Variants in TENM3 observed in about 807,000 individuals in gnomAD.
TENM3 encodes the protein teneurin transmembrane protein 3.
In TENM3, 63 loss-of-function variants were observed where a neutral mutation model predicts 255.1. The observed-to-expected ratio is 0.25, with a 90% confidence interval of 0.20 to 0.30. TENM3 has a LOEUF of 0.30. Ranked by LOEUF, TENM3 falls within the 10% of genes least tolerant of loss-of-function variation. TENM3 has a pLI of 1.00. For synonymous variants in TENM3, 1,306 were observed against 1,322.3 expected, an observed-to-expected ratio of 0.99 and a Z score of 0.27; for missense variants, 2,929 against 3,461.1, an observed-to-expected ratio of 0.85 and a Z score of 3.86.
At chr4:182,397,510 C>A (rs1768925973) in intron 3 of TENM3, among the ~76,000 whole-genome samples, 1 of 151,004 alleles carries the variant, frequency 6.6e-6, no homozygotes, top group African/African-American at 2.4e-5. Flanking sequence ...TGAGCACTCA[C>A]TGTATGCCAG....
At chr4:182,510,398 A>G (rs1322785823) in intron 3 of TENM3, among the ~76,000 whole-genome samples, 1 of 152,072 alleles carries the variant, frequency 6.6e-6, no homozygotes, top group East Asian at 1.9e-4. Context: ...CTCCTTTACA[A>G]TGTGATTATG....
intron 1 of TENM3, among the ~76,000 whole-genome samples, chr4:182,147,078 G>A (rs1319501255): frequency 6.6e-6 from 1 of 152,146 alleles, no homozygotes; most frequent in Non-Finnish European, 1.5e-5. Flanking sequence ...ATTCAGAAAG[G>A]AAACCTAGCT....
intron 1 of TENM3, among the ~76,000 whole-genome samples, chr4:182,271,331 G>A (rs1235373611): frequency 6.6e-6 from 1 of 152,130 alleles, no homozygotes; most frequent in Non-Finnish European, 1.5e-5. Context: ...GGCATCCATT[G>A]ATTTAGAAAG....
intron 1 of TENM3, among the ~76,000 whole-genome samples, chr4:182,287,028 A>G (rs1760776815): frequency 6.6e-6 from 1 of 152,276 alleles, no homozygotes; most frequent in South Asian, 2.1e-4. Context: ...GGAGTTCAAG[A>G]CCAGCCTGAG....
chr4:181,591,104 AG>A, the TENM3 span, among the ~76,000 whole-genome samples: 1 of 152,358 alleles, frequency 6.6e-6, no homozygotes, highest in Non-Finnish European at 1.5e-5. Flanking sequence ...GGAACACCAA[AG>A]GTTCAATATG....
At chr4:181,648,661 G>A in the TENM3 span, among the ~76,000 whole-genome samples, 1 of 152,156 alleles carries the variant, frequency 6.6e-6, no homozygotes, top group African/African-American at 2.4e-5. Flanking sequence ...CTCTCTCTCT[G>A]ACTAGGGAGC....
chr4:181,680,540 G>T, the TENM3 span, among the ~76,000 whole-genome samples: 10 of 152,118 alleles, frequency 6.6e-5, no homozygotes, highest in East Asian at 1.5e-3. Flanking sequence ...GTTTTTGTGT[G>T]TTTCTTTATC....
At chr4:182,405,737 A>T (rs1250712965) in intron 3 of TENM3, among the ~76,000 whole-genome samples, 1 of 152,156 alleles carries the variant, frequency 6.6e-6, no homozygotes, top group African/African-American at 2.4e-5. Flanking sequence ...GAGTTGCGCT[A>T]GGCATTGAAG....
the TENM3 span, among the ~76,000 whole-genome samples, chr4:181,815,208 T>C: frequency 2.0e-5 from 3 of 151,844 alleles, no homozygotes; most frequent in Non-Finnish European, 4.4e-5. Flanking sequence ...TCCCAGCACT[T>C]TGGGAGGCCA....
the TENM3 span, among the ~76,000 whole-genome samples, chr4:181,636,870 C>T: frequency 6.6e-6 from 1 of 152,164 alleles, no homozygotes; most frequent in Non-Finnish European, 1.5e-5. Flanking sequence ...AACCAAAGTA[C>T]TTACAGTGCT....
chr4:182,543,061 G>T (rs201429850), intron 3 of TENM3, among the ~76,000 whole-genome samples: 1 of 152,178 alleles, frequency 6.6e-6, no homozygotes, highest in Non-Finnish European at 1.5e-5. Flanking sequence ...AGTTCCTAAC[G>T]AATGTAGCTT....
chr4:181,604,959 G>A, the TENM3 span, among the ~76,000 whole-genome samples: 5 of 152,178 alleles, frequency 3.3e-5, no homozygotes, highest in African/African-American at 9.7e-5. Context: ...TTGATTTAAT[G>A]TGTGTTATTG....
At chr4:182,338,765 TTTTTA>T (rs1285987186) in intron 2 of TENM3, among the ~76,000 whole-genome samples, 3 of 152,194 alleles carry the variant, frequency 2.0e-5, no homozygotes, top group African/African-American at 4.8e-5. Context: ...ACTCTTCTTA[TTTTTA>T]TTTTATTTAT....
chr4:182,582,135 A>G (rs1234089404), intron 3 of TENM3, among the ~76,000 whole-genome samples: 2 of 152,190 alleles, frequency 1.3e-5, no homozygotes, highest in East Asian at 3.8e-4. Context: ...GGGTCTCCAC[A>G]CTGGCCTTTG....
intron 3 of TENM3, among the ~76,000 whole-genome samples, chr4:182,386,893 C>G (rs966765235): frequency 2.6e-5 from 4 of 152,222 alleles, no homozygotes; most frequent in Non-Finnish European, 5.9e-5. Flanking sequence ...CCCTGTTCCA[C>G]GGCGCCCAGT....
intron 4 of TENM3, among the ~76,000 whole-genome samples, chr4:182,619,021 A>C (rs908679047): frequency 1.3e-5 from 2 of 152,174 alleles, no homozygotes; most frequent in African/African-American, 4.8e-5. Context: ...TAAAAGACAG[A>C]GTTACTCAAC....
intron 1 of TENM3, among the ~76,000 whole-genome samples, chr4:182,201,662 A>G (rs1385669330): frequency 6.6e-6 from 1 of 151,446 alleles, no homozygotes; most frequent in Non-Finnish European, 1.5e-5. Flanking sequence ...AGTTATTCCC[A>G]TGGCAGGGTG....
At chr4:182,385,456 G>T (rs1385229804) in intron 3 of TENM3, among the ~76,000 whole-genome samples, 1 of 151,972 alleles carries the variant, frequency 6.6e-6, no homozygotes, top group East Asian at 1.9e-4. Context: ...GTAGAGACAG[G>T]ATTTCGCCAA....
At chr4:181,906,390 C>T in the TENM3 span, 7,180 of 208,860 alleles carry the variant, frequency 0.034, 131 homozygotes, top group African/African-American at 0.05. Context: ...TTCCAACAAA[C>T]TGGGGACTAG....
Sources: gnomAD v4.1 joint callset for allele counts (sites outside exome capture counted in the v4.1 genomes callset) on GRCh38, gnomAD v4.1.1 for gene constraint, MANE v1.5 for transcripts, NCBI Gene and HGNC (gene_info 2026-07-23, HGNC 2026-07-21) for gene names.